TBC1D22A: variants seen among roughly 807,000 people sequenced by gnomAD.
TBC1D22A encodes the protein TBC1 domain family member 22A.
TBC1D22A carries 38 observed loss-of-function variants against 60.2 expected under a neutral mutation model. The ratio of observed to expected loss-of-function variants is 0.63; its 90% confidence interval spans 0.49 to 0.83. The LOEUF (loss-of-function observed/expected upper bound fraction) is 0.83, where lower values mean the gene tolerates loss of function less well. TBC1D22A is among the 40% of genes least tolerant of loss of function. TBC1D22A has a pLI of 0.00. For missense variants in TBC1D22A, 628 were observed against 701.0 expected (o/e 0.90, Z 1.18); for synonymous variants, 302 against 281.7 (o/e 1.07, Z -0.72).
intron 7 of TBC1D22A, among the ~76,000 whole-genome samples, chr22:46,908,460 G>A (rs552606362): frequency 2.6e-5 from 4 of 152,250 alleles, no homozygotes; most frequent in African/African-American, 7.2e-5. Context: ...CCACGTTAAA[G>A]GTCATTTTTG....
intron 4 of TBC1D22A, among the ~76,000 whole-genome samples, chr22:46,819,971 T>C (rs1680986925): frequency 6.6e-6 from 1 of 152,236 alleles, no homozygotes; most frequent in South Asian, 2.1e-4. Context: ...CTAGTTAGGG[T>C]ATATGCATCT....
chr22:47,168,267 A>G (rs1465127594), intron 12 of TBC1D22A, among the ~76,000 whole-genome samples: 1 of 148,754 alleles, frequency 6.7e-6, no homozygotes, highest in Admixed American at 6.7e-5. Flanking sequence ...ATAGGGACAC[A>G]CAGACCTGTT....
At chr22:46,944,421 C>G (rs367943850) in intron 8 of TBC1D22A, among the ~76,000 whole-genome samples, 1 of 151,834 alleles carries the variant, frequency 6.6e-6, no homozygotes, top group Non-Finnish European at 1.5e-5. Flanking sequence ...TTTTTTGAGA[C>G]GGAGTCTTGC....
At chr22:47,062,348 T>TC (rs1177287159) in intron 11 of TBC1D22A, among the ~76,000 whole-genome samples, 1 of 152,158 alleles carries the variant, frequency 6.6e-6, no homozygotes, top group South Asian at 2.1e-4. Flanking sequence ...AGGTCTGAGG[T>TC]CCATTCTCTG....
At chr22:46,827,214 G>A (rs1023745431) in intron 4 of TBC1D22A, among the ~76,000 whole-genome samples, 1 of 152,194 alleles carries the variant, frequency 6.6e-6, no homozygotes, top group Admixed American at 6.5e-5. Flanking sequence ...TTCAGGTCAG[G>A]CTTCTAACTT....
At chr22:46,794,412 A>G (rs2084562252) in intron 3 of TBC1D22A, among the ~76,000 whole-genome samples, 1 of 152,180 alleles carries the variant, frequency 6.6e-6, no homozygotes, top group African/African-American at 2.4e-5. Flanking sequence ...GTCTGGTGCC[A>G]TGTGCATGGC....
rs2083761049 is a variant in TBC1D22A, at chr22:46,777,676, G to A, written c.62+14828G>A. On this transcript the variant is annotated intron_variant, in intron 1 of 12. Transcript: ENST00000337137. The surrounding 1 kb of genome is among the most constrained non-coding windows in gnomAD (Gnocchi z 4.5). The stretch of plus-strand genomic sequence containing the variant: ...GGAGCAAGAAGAAAGAGCTCAGTGT[G>A]ATGAGTCCTGAGGGGAAGCTGGGCA... Among the ~76,000 whole-genome samples, 1 of 152,136 alleles carries A rather than the reference G, an allele frequency of 6.6e-6. No individual in the cohort carries two copies. The highest frequency in any genetic ancestry group is 1.5e-5 in the Non-Finnish European group (1 of 68,028).
chr22:46,899,482 A>G (rs530352724), intron 7 of TBC1D22A, among the ~76,000 whole-genome samples: 2 of 152,086 alleles, frequency 1.3e-5, no homozygotes, highest in Admixed American at 6.5e-5. Context: ...GTTGGCCAGT[A>G]GAAAAAATTG....
chr22:47,120,850 C>A (rs1050037824), intron 12 of TBC1D22A, among the ~76,000 whole-genome samples: 1 of 152,176 alleles, frequency 6.6e-6, no homozygotes. Flanking sequence ...AACAAGTTAA[C>A]TTAATATGGC....
chr22:46,915,884 T>C (rs751613955), intron 8 of TBC1D22A: 1 of 451,280 alleles, frequency 2.2e-6, no homozygotes, highest in Admixed American at 2.4e-5. Context: ...CTCATCGTTC[T>C]GGCTGTCAGT....
At chr22:47,070,331 T>C (rs527777211) in intron 11 of TBC1D22A, among the ~76,000 whole-genome samples, 2 of 150,052 alleles carry the variant, frequency 1.3e-5, no homozygotes, top group Non-Finnish European at 3.0e-5. Context: ...CTGTTCCCTG[T>C]TGTTTGGTTG....
intron 8 of TBC1D22A, among the ~76,000 whole-genome samples, chr22:46,972,415 T>C (rs2148120369): frequency 6.6e-6 from 1 of 152,258 alleles, no homozygotes; most frequent in African/African-American, 2.4e-5. Flanking sequence ...AGCCGAGGCA[T>C]GCAGAGACGC....
At chr22:46,802,168 T>C (rs1443208656) in intron 4 of TBC1D22A, among the ~76,000 whole-genome samples, 2 of 152,220 alleles carry the variant, frequency 1.3e-5, no homozygotes, top group Non-Finnish European at 2.9e-5. Flanking sequence ...GAGTCACTCA[T>C]CCAGGCTCTG....
chr22:47,131,773 T>G (rs1162415640), intron 12 of TBC1D22A, among the ~76,000 whole-genome samples: 2 of 152,150 alleles, frequency 1.3e-5, no homozygotes, highest in Non-Finnish European at 2.9e-5. Flanking sequence ...TGACCCTGGC[T>G]CTCTCGCAGA....
chr22:46,841,090 GAA>G (rs61100208), intron 4 of TBC1D22A, among the ~76,000 whole-genome samples: 14 of 151,966 alleles, frequency 9.2e-5, no homozygotes, highest in African/African-American at 2.9e-4. Flanking sequence ...GAGAGAGAGA[GAA>G]AGAGAGAGAG....
At chr22:47,145,739 T>C (rs1016154272) in intron 12 of TBC1D22A, among the ~76,000 whole-genome samples, 1 of 152,248 alleles carries the variant, frequency 6.6e-6, no homozygotes, top group Non-Finnish European at 1.5e-5. Context: ...ACTCCCAGTT[T>C]TGAACTCAGG....
chr22:46,966,112 A>G (rs1468794875), intron 8 of TBC1D22A, among the ~76,000 whole-genome samples: 2 of 152,006 alleles, frequency 1.3e-5, no homozygotes, highest in African/African-American at 4.8e-5. Context: ...CGCTCCCCAC[A>G]AGCTCTTCCT....
At chr22:47,060,319 G>A (rs2063528121) in intron 11 of TBC1D22A, among the ~76,000 whole-genome samples, 1 of 146,750 alleles carries the variant, frequency 6.8e-6, no homozygotes, top group South Asian at 2.1e-4. Context: ...TCGGCTCACT[G>A]CAACCTCTGC....
At chr22:47,134,879 C>T (rs1291093314) in intron 12 of TBC1D22A, among the ~76,000 whole-genome samples, 1 of 152,146 alleles carries the variant, frequency 6.6e-6, no homozygotes, top group East Asian at 1.9e-4. Flanking sequence ...GCATGTTGCA[C>T]CACAGGGGAG....
Sources: allele counts gnomAD v4.1 joint callset (sites outside exome capture counted in the v4.1 genomes callset), GRCh38; gene constraint gnomAD v4.1.1; non-coding constraint Gnocchi (gnomAD v3.1); transcripts MANE v1.5; gene names NCBI Gene and HGNC (gene_info 2026-07-23, HGNC 2026-07-21).